PSTPIP1: variants seen among roughly 807,000 people sequenced by gnomAD.
The protein encoded by PSTPIP1 is proline-serine-threonine phosphatase interacting protein 1, also known as proline-serine-threonine phosphatase-interacting protein 1.
In PSTPIP1, 66 loss-of-function variants were observed where a neutral mutation model predicts 69.6. The ratio of observed to expected loss-of-function variants is 0.95; its 90% CI spans 0.78 to 1.16. The LOEUF is 1.16. PSTPIP1 is among the 50% of genes most tolerant of loss of function. PSTPIP1 has a pLI of 0.00. For synonymous variants in PSTPIP1, 266 were observed against 222.7 expected (o/e 1.19, Z -1.73); for missense variants, 603 against 557.4 (o/e 1.08, Z -0.82).
chr15:77,037,048 C>A lies in PSTPIP1; in HGVS notation c.1123C>A (p.Pro375Thr). 1 of 1,612,046 alleles carries A rather than the reference C, an allele frequency of 6.2e-7. No individual in the cohort carries two copies. Among genetic ancestry groups the A allele is most frequent in the Non-Finnish European group, 8.5e-7 (1 of 1,179,522 alleles). ...GCGCTTTCAATCTCTTGGCCAGAAC[C>A]CAGATGAGCTGGACCTGTCCGCGGG... ...RALYDYTAQN[P>T]DELDLSAGDI... The change falls in exon 15 of 15, where the codon CCA becomes ACA. Residue 375 changes from proline (P) to threonine (T), a missense_variant. Physicochemically the swap from Pro to Thr is conservative, Grantham distance 38. Coordinates refer to ENST00000558012, the MANE Select transcript of PSTPIP1 (RefSeq NM_003978.5).
chr15:77,032,835 C>T, intron 11 of PSTPIP1, 27 bp from the exon 12 acceptor site: 1 of 1,547,096 alleles, frequency 6.5e-7, no homozygotes, highest in East Asian at 2.4e-5. Flanking sequence ...GGGGGCCGCC[C>T]TGGGGCTCAC....
intron 1 of PSTPIP1, among the ~76,000 whole-genome samples, chr15:77,000,460 GATATATATAT>G (rs1045472754): frequency 7.1e-6 from 1 of 141,694 alleles, no homozygotes; most frequent in South Asian, 2.3e-4. Context: ...TTTAAAGAGA[GATATATATAT>G]ATATATACAC....
intron 1 of PSTPIP1, among the ~76,000 whole-genome samples, chr15:77,004,301 G>GA (rs1322079520): frequency 6.6e-6 from 1 of 152,244 alleles, no homozygotes; most frequent in Non-Finnish European, 1.5e-5. Context: ...GAACAGGCAG[G>GA]AGAGCGACAG....
In PSTPIP1 at chr15:77,037,389, G is replaced by A. The variant is rs2076607494; in HGVS notation, c.*213G>A. The stretch of plus-strand genomic sequence containing the variant: ...TCCTGCTCCAGTGTCCGAGTGCTCA[G>A]TTCAGAGGAGGCAAAGGAACAAGGG... On this transcript the variant is annotated 3_prime_UTR_variant, in exon 15 of 15. Transcript: ENST00000558012. 1 of 541,358 alleles carries A rather than the reference G, an allele frequency of 1.8e-6. No individual in the cohort carries two copies. 33.5% of individuals were successfully genotyped at this position (541,358 alleles called of 1,614,324 possible). A position where few individuals can be genotyped will look rare whatever the true frequency, so the allele number is the denominator to read the frequency against.
At position 77,037,228 on chromosome 15, in the gene PSTPIP1, C is replaced by T. The variant is rs2076603687; in HGVS notation, c.*52C>T. The T allele has an allele frequency of 6.5e-6, 10 of 1,550,388 alleles. No homozygotes were observed. Among genetic ancestry groups the T allele is most frequent in the Middle Eastern group, 2.1e-4 (1 of 4,802 alleles). The stretch of plus-strand genomic sequence containing the variant: ...TGCCCTGCCAGTGGAGCCAGCAGTG[C>T]CCCCAGCACTGTCCCCACCTTGCTA... On this transcript the variant is annotated 3_prime_UTR_variant, in exon 15 of 15. Coordinates refer to ENST00000558012, the MANE Select transcript of PSTPIP1 (RefSeq NM_003978.5).
intron 14 of PSTPIP1, among the ~76,000 whole-genome samples, chr15:77,036,211 T>A (rs1345811664): frequency 6.6e-6 from 1 of 152,142 alleles, no homozygotes; most frequent in Non-Finnish European, 1.5e-5. Context: ...CAGGCCTGTG[T>A]CTGCCCGGGC....
intron 1 of PSTPIP1, among the ~76,000 whole-genome samples, 178 bp downstream of exon 1, chr15:76,995,787 G>A (rs2075565030): frequency 6.6e-6 from 1 of 152,216 alleles, no homozygotes; most frequent in Non-Finnish European, 1.5e-5. Flanking sequence ...GGACTGGAAC[G>A]CAAGTGGACT....
intron 1 of PSTPIP1, among the ~76,000 whole-genome samples, chr15:77,015,567 T>A (rs1568496203): frequency 1.3e-5 from 2 of 152,050 alleles, no homozygotes; most frequent in African/African-American, 4.8e-5. Context: ...CTAGGGTAGG[T>A]CCCCTGGGGG....
chr15:76,995,476 C>A lies in PSTPIP1; in HGVS notation c.-98C>A. The A allele has an allele frequency of 6.3e-7, 1 of 1,599,918 alleles. No homozygotes were observed. Among genetic ancestry groups the A allele is most frequent in the Non-Finnish European group, 8.5e-7 (1 of 1,173,560 alleles). On this transcript the variant is annotated 5_prime_UTR_variant, in exon 1 of 15. Coordinates refer to ENST00000558012, the MANE Select transcript of PSTPIP1 (RefSeq NM_003978.5). ...GCCGGCCGGGAAGGGGGGCCTGGGC[C>A]AGCCCTGCCAGGACTGGGACGCTGC...
chr15:76,998,698 A>C (rs547704597), intron 1 of PSTPIP1, among the ~76,000 whole-genome samples: 2 of 152,366 alleles, frequency 1.3e-5, no homozygotes, highest in African/African-American at 4.8e-5. Context: ...AAGCAGCTGT[A>C]GTGGCACAGA....
intron 1 of PSTPIP1, chr15:77,015,723 CA>C (rs2076035057): frequency 2.8e-6 from 1 of 351,604 alleles, no homozygotes; most frequent in Admixed American, 3.7e-5. Context: ...GAGGAAGTGG[CA>C]GGGGTGGGGG....
Position 77,035,853 on chromosome 15 carries a change from C to A in PSTPIP1, c.1037C>A (p.Thr346Lys), listed in dbSNP as rs531047131. 2.0e-5 allele frequency: 33 copies of A among 1,610,758 alleles called. No individual in the cohort carries two copies. The East Asian group carries it at 6.9e-4, about 34-fold the overall frequency. Residue 346 changes from threonine to lysine, a missense_variant, in exon 14 of 15, where the codon ACA becomes AAA. Physicochemically the swap from Thr to Lys is moderately conservative, Grantham distance 78 (BLOSUM62 -1). Transcript: ENST00000558012. ...CCCGAGCGGAATGAGGGTGTCTACACAGCCATCGCAGTGCAGGAGATACAG... is the reference window on the plus strand; with the variant it reads ...CCCGAGCGGAATGAGGGTGTCTACAAAGCCATCGCAGTGCAGGAGATACAG... ...PTPERNEGVY[T>K]AIAVQEIQGN...
intron 1 of PSTPIP1, among the ~76,000 whole-genome samples, chr15:76,996,757 A>G (rs1300731091): frequency 6.6e-6 from 1 of 152,164 alleles, no homozygotes; most frequent in African/African-American, 2.4e-5. Flanking sequence ...CCATCTCTAC[A>G]AAGACAGGGT....
chr15:77,032,378 G>A lies in PSTPIP1; in HGVS notation c.822G>A (p.Thr274=), dbSNP rs760300353. The change falls in exon 11 of 15, where the codon ACG becomes ACA. Residue 274 remains threonine (T), a synonymous_variant. Coordinates refer to ENST00000558012, the MANE Select transcript of PSTPIP1 (RefSeq NM_003978.5). ...ACAGTTTCATCCAGGCCAAGAGCAC[G>A]GGCACAGAGCCCCCCGGTGAGGTCC... ...DIDSFIQAKS[T]GTEPPAPVPY... is the part of the protein sequence containing the mutation. The A allele has an allele frequency of 9.9e-6, 16 of 1,612,680 alleles. No homozygotes were observed. The highest frequency in any genetic ancestry group is 2.2e-5 in the East Asian group (1 of 44,886).
At chr15:77,030,426 C>T in intron 8 of PSTPIP1, 76 bp from the exon 9 acceptor site, 1 of 1,480,978 alleles carries the variant, frequency 6.8e-7, no homozygotes, top group Non-Finnish European at 9.3e-7. Flanking sequence ...AGGAGGCATC[C>T]AGGATGGGAC....
At chr15:77,022,928 A>G (rs1188612646) in intron 3 of PSTPIP1, among the ~76,000 whole-genome samples, 2 of 152,246 alleles carry the variant, frequency 1.3e-5, no homozygotes, top group Admixed American at 1.3e-4. Context: ...AGGCCTAGCC[A>G]GGTCATGGGG....
At position 76,995,294 on chromosome 15, in the gene PSTPIP1, G is replaced by C. The variant is rs978289959; in HGVS notation, c.-280G>C. 1 of 1,359,178 alleles carries C rather than the reference G, an allele frequency of 7.4e-7. No homozygotes were observed. Among genetic ancestry groups the C allele is most frequent in the Non-Finnish European group, 9.5e-7 (1 of 1,051,310 alleles). 84.2% of individuals were successfully genotyped at this position (1,359,178 alleles called of 1,614,324 possible). On this transcript the variant is annotated 5_prime_UTR_variant, in exon 1 of 15. Transcript: ENST00000558012. Reference sequence around the variant, plus strand: ...TCCATCACCGCAGGGTCGGTGAGGGGCTGGGCTGGACACCAGGGCCCGCCC... The same window carrying C: ...TCCATCACCGCAGGGTCGGTGAGGGCCTGGGCTGGACACCAGGGCCCGCCC...
rs1168793019 is a variant in PSTPIP1, at chr15:77,028,715, AG to A, written c.516+67del. On this transcript the variant is annotated intron_variant, in intron 7 of 14. Transcript: ENST00000558012. ...CTGGGGGCAGTGGGGGAGGCAAGGA[AG>A]GGGTGCCGTAGACACCCCCAGGCAA... 4 of 1,371,382 alleles carry A rather than the reference AG, an allele frequency of 2.9e-6. No individual in the cohort carries two copies. In the African/African-American group the frequency reaches 5.9e-5, roughly 20 times the overall value. 85.0% of individuals were successfully genotyped at this position (1,371,382 alleles called of 1,614,324 possible). A position where few individuals can be genotyped will look rare whatever the true frequency, so the allele number is the denominator to read the frequency against.
chr15:76,995,630 G>T (rs757943820), intron 1 of PSTPIP1, 21 bp downstream of exon 1: 1 of 1,613,002 alleles, frequency 6.2e-7, no homozygotes, highest in South Asian at 1.1e-5. Flanking sequence ...ATGGTTGGGG[G>T]CACTGAACAA....
Sources: gnomAD v4.1 joint callset for allele counts (sites outside exome capture counted in the v4.1 genomes callset) on GRCh38, gnomAD v4.1.1 for gene constraint, MANE v1.5 for transcripts, NCBI Gene and HGNC (gene_info 2026-07-23, HGNC 2026-07-21) for gene names.